Variants in GADL1 observed in about 807,000 individuals in gnomAD.
GADL1 encodes the protein acidic amino acid decarboxylase GADL1.
A neutral mutation model predicts 69.5 loss-of-function variants in GADL1; 71 were observed. That is an observed-to-expected ratio of 1.02 (90% CI 0.84 to 1.25). The LOEUF (loss-of-function observed/expected upper bound fraction) is 1.25. GADL1 is among the 50% of genes most tolerant of loss of function. The pLI, the probability that GADL1 is intolerant of heterozygous loss-of-function variation, is 0.00. For synonymous variants in GADL1, 254 were observed against 214.4 expected (o/e 1.18, Z -1.62); for missense variants, 737 against 631.8 (o/e 1.17, Z -1.79).
intron 14 of GADL1, among the ~76,000 whole-genome samples, chr3:30,732,590 A>G (rs1695474721): frequency 6.6e-6 from 1 of 152,174 alleles, no homozygotes; most frequent in African/African-American, 2.4e-5. Context: ...CCAAGGAAAA[A>G]TAAAATAAAA....
chr3:30,893,521 C>T (rs1698813579), intron 1 of GADL1, among the ~76,000 whole-genome samples: 1 of 152,156 alleles, frequency 6.6e-6, no homozygotes, highest in African/African-American at 2.4e-5. Flanking sequence ...ACCTACCTTT[C>T]TACAGCCCTC....
chr3:30,777,791 AAG>A (rs1170543408), intron 14 of GADL1, among the ~76,000 whole-genome samples: 5 of 152,208 alleles, frequency 3.3e-5, no homozygotes, highest in Non-Finnish European at 7.3e-5. Context: ...CGCTTACAAA[AAG>A]TATCAGATTT....
intron 14 of GADL1, among the ~76,000 whole-genome samples, chr3:30,775,603 TGAA>T (rs1696519527): frequency 6.6e-6 from 1 of 152,050 alleles, no homozygotes; most frequent in African/African-American, 2.4e-5. Flanking sequence ...CTATAACAAA[TGAA>T]GTTGTTACTA....
At chr3:30,776,795 TCC>T (rs749806582) in intron 14 of GADL1, among the ~76,000 whole-genome samples, 2 of 152,160 alleles carry the variant, frequency 1.3e-5, no homozygotes, top group African/African-American at 4.8e-5. Context: ...CCCATGACCC[TCC>T]CTCTGCCTGT....
intron 1 of GADL1, among the ~76,000 whole-genome samples, chr3:30,862,286 G>C (rs894860952): frequency 6.6e-6 from 1 of 152,104 alleles, no homozygotes; most frequent in Non-Finnish European, 1.5e-5. Context: ...AGGAGAGTTC[G>C]AGATGGAGGA....
intron 13 of GADL1, among the ~76,000 whole-genome samples, chr3:30,782,361 A>G (rs547607607): frequency 6.6e-6 from 1 of 152,300 alleles, no homozygotes; most frequent in East Asian, 1.9e-4. Context: ...GAACTAAGGC[A>G]GTGGCTTTGG....
chr3:30,760,844 A>AAT (rs2125484985), intron 14 of GADL1, among the ~76,000 whole-genome samples: 1 of 152,256 alleles, frequency 6.6e-6, no homozygotes, highest in African/African-American at 2.4e-5. Context: ...TGGAGCCTCA[A>AAT]ATATACTGAT....
chr3:30,773,465 G>T (rs1024171391), intron 14 of GADL1, among the ~76,000 whole-genome samples: 1 of 152,060 alleles, frequency 6.6e-6, no homozygotes, highest in African/African-American at 2.4e-5. Flanking sequence ...AAATATAAAA[G>T]AAATCGCCTG....
intron 12 of GADL1, among the ~76,000 whole-genome samples, chr3:30,788,809 C>G (rs141952275): frequency 6.6e-6 from 1 of 152,260 alleles, no homozygotes; most frequent in African/African-American, 2.4e-5. Flanking sequence ...TTTGCTCATC[C>G]ATAGGAAGAG....
chr3:30,888,387 T>C (rs931335770), intron 1 of GADL1, among the ~76,000 whole-genome samples: 26 of 152,172 alleles, frequency 1.7e-4, no homozygotes, highest in African/African-American at 6.3e-4. Flanking sequence ...CAAAAAAGTT[T>C]AATAAACAGA....
At chr3:30,790,836 A>G (rs1696897615) in intron 12 of GADL1, among the ~76,000 whole-genome samples, 1 of 152,158 alleles carries the variant, frequency 6.6e-6, no homozygotes, top group Non-Finnish European at 1.5e-5. Flanking sequence ...ATTAATATTC[A>G]TAAGTAGGGA....
intron 11 of GADL1, among the ~76,000 whole-genome samples, chr3:30,805,592 C>A (rs146486936): frequency 5.9e-5 from 9 of 152,236 alleles, no homozygotes; most frequent in Non-Finnish European, 1.0e-4. Context: ...AAGAATGAAT[C>A]CGTAGGTTGT....
intron 14 of GADL1, among the ~76,000 whole-genome samples, chr3:30,736,534 C>T (rs1361029798): frequency 6.6e-6 from 1 of 152,064 alleles, no homozygotes; most frequent in Non-Finnish European, 1.5e-5. Context: ...CCCGCTTGGA[C>T]TTTTATTACA....
At chr3:30,817,938 A>T (rs1385178040) in intron 11 of GADL1, among the ~76,000 whole-genome samples, 1 of 152,240 alleles carries the variant, frequency 6.6e-6, no homozygotes, top group Admixed American at 6.5e-5. Context: ...GATAACTGCT[A>T]TGGAACTGGA....
chr3:30,731,844 C>T (rs1048147335), intron 14 of GADL1, among the ~76,000 whole-genome samples: 6 of 152,124 alleles, frequency 3.9e-5, no homozygotes, highest in Admixed American at 6.6e-5. Flanking sequence ...GAATACTTCG[C>T]GGGAAAGAAA....
chr3:30,772,268 GA>G (rs199853568), intron 14 of GADL1, among the ~76,000 whole-genome samples: 2 of 152,078 alleles, frequency 1.3e-5, no homozygotes, highest in Admixed American at 1.3e-4. Flanking sequence ...TCAGCAAATG[GA>G]AAAAATTGAA....
intron 12 of GADL1, among the ~76,000 whole-genome samples, chr3:30,793,557 GAAA>G (rs1440221388): frequency 6.6e-6 from 1 of 151,952 alleles, no homozygotes; most frequent in Admixed American, 6.6e-5. Context: ...ATAAAAGAGA[GAAA>G]AAAATACATA....
At chr3:30,862,609 C>A (rs1271894210) in intron 1 of GADL1, among the ~76,000 whole-genome samples, 1 of 151,946 alleles carries the variant, frequency 6.6e-6, no homozygotes, top group Non-Finnish European at 1.5e-5. Context: ...AGAGATAATG[C>A]ATTTCCAGAT....
At chr3:30,797,299 A>G (rs575114242) in intron 12 of GADL1, among the ~76,000 whole-genome samples, 7 of 152,188 alleles carry the variant, frequency 4.6e-5, no homozygotes, top group Non-Finnish European at 8.8e-5. Flanking sequence ...TTGTTGTTTT[A>G]ACACATTCAG....
Sources: gnomAD v4.1 joint callset for allele counts (sites outside exome capture counted in the v4.1 genomes callset) on GRCh38, gnomAD v4.1.1 for gene constraint, MANE v1.5 for transcripts, NCBI Gene and HGNC (gene_info 2026-07-23, HGNC 2026-07-21) for gene names.